Variants in TTC3 observed in about 807,000 individuals in gnomAD.
TTC3 encodes the protein tetratricopeptide repeat domain 3.
TTC3 carries 180 observed loss-of-function variants against 249.6 expected under a neutral mutation model. The observed-to-expected ratio is 0.72, with a 90% confidence interval of 0.64 to 0.82. TTC3 has a LOEUF of 0.82. Ranked by LOEUF, TTC3 falls within the 40% of genes least tolerant of loss-of-function variation. The probability of loss-of-function intolerance (pLI) is 0.00; values close to 1 mark genes in which losing one functional copy is unlikely to be tolerated. For synonymous variants in TTC3, 717 were observed against 805.0 expected (o/e 0.89, Z 1.85); for missense variants, 2,061 against 2,398.4 (o/e 0.86, Z 2.94).
chr21:37,131,658 C>T (rs1397578307), intron 16 of TTC3, among the ~76,000 whole-genome samples: 1 of 152,096 alleles, frequency 6.6e-6, no homozygotes, highest in Non-Finnish European at 1.5e-5. Context: ...CTGTGCACCC[C>T]ACTTGCAGCT....
At chr21:37,155,196 T>TTG (rs2148027716) in intron 27 of TTC3, among the ~76,000 whole-genome samples, 1 of 2,804 alleles carries the variant, frequency 3.6e-4, no homozygotes, top group Admixed American at 4.8e-3. Context: ...TGGAATTTTC[T>TTG]TCAATAAAAC....
chr21:37,094,226 C>T (rs982797596), intron 8 of TTC3, 136 bp downstream of exon 8: 2 of 514,358 alleles, frequency 3.9e-6, no homozygotes, highest in African/African-American at 2.0e-5. Flanking sequence ...GAACTAATAT[C>T]TTGATCAGAG....
At chr21:37,159,631 G>T in intron 28 of TTC3, 68 bp from the exon 29 acceptor site, 4 of 1,503,364 alleles carry the variant, frequency 2.7e-6, no homozygotes, top group Non-Finnish European at 3.7e-6. Flanking sequence ...TTATTTTAAG[G>T]CTTTAGTGTA....
At chr21:37,074,481 C>T (rs1232581213) in intron 1 of TTC3, among the ~76,000 whole-genome samples, 1 of 152,160 alleles carries the variant, frequency 6.6e-6, no homozygotes, top group Non-Finnish European at 1.5e-5. Context: ...CTGGGCGATG[C>T]GGTCCTTAGG....
exon 31 of TTC3, chr21:37,162,040 C>G: frequency 6.3e-7 from 1 of 1,586,530 alleles, no homozygotes; most frequent in Non-Finnish European, 8.6e-7. Context: ...ATAATGAGAT[C>G]ATCACTTCAA....
chr21:37,142,826 C>T (rs529922782), intron 20 of TTC3, among the ~76,000 whole-genome samples: 33 of 152,298 alleles, frequency 2.2e-4, no homozygotes, highest in African/African-American at 4.1e-4. Context: ...GGAGGCATCA[C>T]GCTACCTGAC....
chr21:37,079,620 C>T (rs1398853138), intron 1 of TTC3, among the ~76,000 whole-genome samples: 1 of 145,340 alleles, frequency 6.9e-6, no homozygotes, highest in Admixed American at 7.1e-5. Flanking sequence ...CAACCTCTGC[C>T]TCCTGAGTTC....
chr21:37,134,990 G>T (rs1181928867), intron 17 of TTC3, among the ~76,000 whole-genome samples: 1 of 152,184 alleles, frequency 6.6e-6, no homozygotes, highest in Non-Finnish European at 1.5e-5. Flanking sequence ...AATATTGATT[G>T]TATGTTCTTA....
intron 1 of TTC3, among the ~76,000 whole-genome samples, chr21:37,078,865 G>A (rs2071244205): frequency 6.6e-6 from 1 of 152,152 alleles, no homozygotes; most frequent in Non-Finnish European, 1.5e-5. Context: ...TTCATTAGAA[G>A]CGATTATAGT....
intron 39 of TTC3, among the ~76,000 whole-genome samples, chr21:37,190,130 C>CTTTT (rs138862573): frequency 0.013 from 839 of 65,054 alleles, 29 homozygotes; most frequent in African/African-American, 0.014. Flanking sequence ...CTTTTTCTTT[C>CTTTT]TTTTTTTTTT....
At chr21:37,197,201 CG>C (rs767273182) in intron 42 of TTC3, among the ~76,000 whole-genome samples, 1 of 152,226 alleles carries the variant, frequency 6.6e-6, no homozygotes, top group East Asian at 1.9e-4. Flanking sequence ...TGGTGGCTCA[CG>C]CCAGGCCGAG....
At chr21:37,199,127 GC>G (rs1160274826) in intron 44 of TTC3, among the ~76,000 whole-genome samples, 1 of 152,146 alleles carries the variant, frequency 6.6e-6, no homozygotes, top group African/African-American at 2.4e-5. Context: ...GCCGAGTCAT[GC>G]CTTGGGAGAG....
intron 7 of TTC3, among the ~76,000 whole-genome samples, chr21:37,092,867 C>T (rs760399208): frequency 5.9e-5 from 9 of 151,674 alleles, no homozygotes; most frequent in South Asian, 2.1e-4. Context: ...AAATGAGGCC[C>T]GATAAACTTT....
In TTC3 at chr21:37,167,584, C is replaced by A. The variant is rs745695621; in HGVS notation, c.4431C>A (p.Val1477=). Residue 1477 remains valine (V), a synonymous_variant, in exon 34 of 46, where the codon GTC becomes GTA. Coordinates refer to ENST00000355666, the Ensembl canonical transcript of TTC3. ...CTTGGAACATAATACACCAAGAAGT[C>A]AATACTGAGCCATATAATCCTTTTG... is the stretch of plus-strand genomic sequence containing the variant. The A allele has an allele frequency of 1.9e-5, 30 of 1,609,768 alleles. No individual in the cohort carries two copies. In the South Asian group the frequency reaches 3.0e-4, roughly 16 times the overall value.
chr21:37,166,317 T>C (rs2081252341), exon 33 of TTC3: 7 of 1,614,114 alleles, frequency 4.3e-6, no homozygotes, highest in Non-Finnish European at 5.9e-6. Flanking sequence ...GTACCAGTGG[T>C]GCCGTCTTTT....
exon 46 of TTC3, chr21:37,201,499 C>T: frequency 5.0e-6 from 8 of 1,614,032 alleles, no homozygotes; most frequent in Non-Finnish European, 6.8e-6. Context: ...GTCGTGATCT[C>T]CTGACAGAAG....
chr21:37,159,849 A>C, intron 29 of TTC3, 104 bp downstream of exon 29: 1 of 1,083,048 alleles, frequency 9.2e-7, no homozygotes, highest in South Asian at 1.3e-5. Context: ...GCCAGCATTC[A>C]AGAACCACAT....
chr21:37,112,694 A>G (rs9680286), intron 11 of TTC3, among the ~76,000 whole-genome samples: 99,830 of 151,818 alleles, frequency 0.66, 33,102 homozygotes, highest in Admixed American at 0.69. Context: ...CATTTTATGA[A>G]GCCAGCATCA....
intron 10 of TTC3, among the ~76,000 whole-genome samples, chr21:37,105,821 G>A (rs899864510): frequency 5.3e-5 from 8 of 152,220 alleles, no homozygotes; most frequent in Non-Finnish European, 8.8e-5. Context: ...GTTGTAAAGT[G>A]TTCATCTATT....
Sources: allele counts gnomAD v4.1 joint callset (sites outside exome capture counted in the v4.1 genomes callset), GRCh38; gene constraint gnomAD v4.1.1; transcripts MANE v1.5; gene names NCBI Gene and HGNC (gene_info 2026-07-23, HGNC 2026-07-21).